The following ORC4 variants were observed in gnomAD, a reference collection of about 807,000 sequenced individuals.
The protein encoded by ORC4 is origin recognition complex, subunit 4 homolog.
A neutral mutation model predicts 63.9 loss-of-function variants in ORC4; 55 were observed. That is an observed-to-expected ratio of 0.86 (90% CI 0.69 to 1.08). The LOEUF (loss-of-function observed/expected upper bound fraction) is 1.08, where lower values mean the gene tolerates loss of function less well. ORC4 is among the 50% of genes least tolerant of loss of function. The pLI is 0.00. For missense variants in ORC4, 511 were observed against 504.4 expected (o/e 1.01, Z -0.13); for synonymous variants, 150 against 168.5 (o/e 0.89, Z 0.85).
In ORC4 at chr2:147,958,873, A is replaced by G. The variant is rs1689419093; in HGVS notation, c.226-7T>C. 1 of 1,140,326 alleles carries G rather than the reference A, an allele frequency of 8.8e-7. No homozygotes were observed. 70.6% of individuals were successfully genotyped at this position (1,140,326 alleles called of 1,614,324 possible). ...TCAAAGCATGATTTATTAACTAAAT[A>G]TGAAAAGTTTATGAAATAATAATAG... On this transcript the variant is annotated splice_region_variant and splice_polypyrimidine_tract_variant and intron_variant, in intron 4 of 13. Transcript: ENST00000392857.
Position 147,939,148 on chromosome 2 carries a change from A to G in ORC4, c.950T>C (p.Ile317Thr), listed in dbSNP as rs758625485. The part of the protein sequence containing the change: ...QLCSMDSKAN[I>T]VHGLSVLEIC... ...TAAGGCTGGGTTCTCACCATGTACA[A>G]TATTTGCTTTCGAGTCCATGCTACA... Residue 317 changes from isoleucine to threonine, a missense_variant, in exon 11 of 14, where the codon ATT becomes ACT. Coordinates refer to ENST00000392857, the MANE Select transcript of ORC4 (RefSeq NM_181741.4). 3.1e-6 allele frequency: 5 copies of G among 1,594,478 alleles called. No homozygotes were observed. The highest frequency in any genetic ancestry group is 1.1e-5 in the South Asian group (1 of 90,692).
At chr2:148,004,977 C>T (rs1406857802) in intron 1 of ORC4, among the ~76,000 whole-genome samples, 1 of 152,164 alleles carries the variant, frequency 6.6e-6, no homozygotes, top group South Asian at 2.1e-4. Flanking sequence ...ATTAGTTAAA[C>T]CATTGTGGAA....
chr2:147,975,925 T>C lies in ORC4; in HGVS notation c.34A>G (p.Ile12Val). ...SSRKSKSNSL[I>V]HTECLSQVQR... is the part of the protein sequence containing the mutation. ...ACCTGTGAAAGGCACTCTGTGTGAA[T>C]TAAGCTGTTACTCTTTGATTTACGA... is the stretch of plus-strand genomic sequence containing the variant. The change falls in exon 2 of 14, where the codon ATT (isoleucine) becomes GTT (valine). Residue 12 changes from isoleucine (I) to valine (V), a missense_variant. By Grantham distance (29) the Ile-to-Val change is conservative. Transcript: ENST00000392857. 6.3e-7 allele frequency: 1 copy of C among 1,593,466 alleles called. No homozygotes were observed. Among genetic ancestry groups the C allele is most frequent in the Admixed American group, 1.7e-5 (1 of 59,978 alleles).
intron 1 of ORC4, among the ~76,000 whole-genome samples, chr2:148,003,015 A>G (rs1360818624): frequency 6.6e-6 from 1 of 152,246 alleles, no homozygotes; most frequent in Non-Finnish European, 1.5e-5. Flanking sequence ...ATCTAGAAGA[A>G]ATGGATGAAT....
rs1687870072 is a variant in ORC4, at chr2:147,933,323, A to ACTC, written c.*2184_*2186dup. Reference sequence around the variant, plus strand: ...ATTTAAGAGACGAAGTTAGCTCAAAACTCTTGCGAATAGATTTTAGCATTT... The same window carrying ACTC: ...ATTTAAGAGACGAAGTTAGCTCAAAACTCCTCTTGCGAATAGATTTTAGCATTT... On this transcript the variant is annotated 3_prime_UTR_variant, in exon 14 of 14. Coordinates refer to ENST00000392857, the MANE Select transcript of ORC4 (RefSeq NM_181741.4). 6.6e-6 allele frequency: 1 copy of ACTC among 152,024 alleles called. No homozygotes were observed. The highest frequency in any genetic ancestry group is 2.4e-5 in the African/African-American group (1 of 41,404). 9.4% of individuals were successfully genotyped at this position (152,024 alleles called of 1,614,324 possible). A position where few individuals can be genotyped will look rare whatever the true frequency, so the allele number is the denominator to read the frequency against.
chr2:147,982,698 G>C (rs754450557), intron 1 of ORC4, among the ~76,000 whole-genome samples: 1 of 152,122 alleles, frequency 6.6e-6, no homozygotes, highest in Admixed American at 6.5e-5. Flanking sequence ...TGTAAATAAA[G>C]TTTTAGTCCA....
chr2:147,949,665 G>A (rs1055174458), intron 8 of ORC4, among the ~76,000 whole-genome samples: 4 of 152,180 alleles, frequency 2.6e-5, no homozygotes, highest in East Asian at 3.9e-4. Flanking sequence ...TTTTTAAAGA[G>A]CTCTTATCTC....
chr2:147,947,159 G>T (rs576863596), intron 9 of ORC4, among the ~76,000 whole-genome samples: 15 of 151,884 alleles, frequency 9.9e-5, no homozygotes, highest in Non-Finnish European at 1.9e-4. Context: ...TAGAGTCAGT[G>T]AATATAGACT....
chr2:147,969,776 A>G (rs902322294), intron 4 of ORC4, among the ~76,000 whole-genome samples: 1 of 152,072 alleles, frequency 6.6e-6, no homozygotes, highest in Non-Finnish European at 1.5e-5. Flanking sequence ...TTTAGTGAAC[A>G]ATACCCTCTA....
intron 1 of ORC4, among the ~76,000 whole-genome samples, chr2:147,977,407 G>A (rs780043163): frequency 2.6e-5 from 4 of 152,172 alleles, no homozygotes; most frequent in Non-Finnish European, 5.9e-5. Context: ...TTATAATAAT[G>A]CGAGAATGAC....
intron 13 of ORC4, chr2:147,936,746 C>G (rs187823348): frequency 1.3e-5 from 2 of 152,260 alleles, no homozygotes; most frequent in Non-Finnish European, 2.9e-5. Flanking sequence ...GCAGGCTGGG[C>G]GCAGTGGCTC....
Position 147,940,024 on chromosome 2 carries a change from C to T in ORC4, c.850-776G>A, listed in dbSNP as rs17232001. Among the ~76,000 whole-genome samples the T allele has an allele frequency of 6.7e-3, 1,021 of 152,246 alleles. 31 individuals carry two copies. The highest frequency in any genetic ancestry group is 0.051 in the East Asian group (265 of 5,188). On this transcript the variant is annotated intron_variant, in intron 10 of 13. Transcript: ENST00000392857. Reference sequence around the variant, plus strand: ...GGGATATAATTATCCAAGAAACTCTCCTTCACCTTAACAAGGGCGCAACTG... The same window carrying T: ...GGGATATAATTATCCAAGAAACTCTTCTTCACCTTAACAAGGGCGCAACTG...
chr2:147,945,369 T>C (rs1376806001), intron 9 of ORC4, among the ~76,000 whole-genome samples: 1 of 152,110 alleles, frequency 6.6e-6, no homozygotes, highest in African/African-American at 2.4e-5. Flanking sequence ...TAATTACTTA[T>C]TCTGCTTTTT....
intron 1 of ORC4, among the ~76,000 whole-genome samples, chr2:147,988,635 G>T (rs957290849): frequency 6.6e-6 from 1 of 152,036 alleles, no homozygotes; most frequent in Non-Finnish European, 1.5e-5. Flanking sequence ...TTACAGGCCT[G>T]AATCACCACG....
At chr2:147,938,646 ATAT>A (rs1688195069) in intron 11 of ORC4, 2 of 448,236 alleles carry the variant, frequency 4.5e-6, no homozygotes, top group Admixed American at 7.3e-5. Flanking sequence ...GATTGGCGAA[ATAT>A]TATCAGGCAC....
chr2:147,938,194 T>C lies in ORC4; in HGVS notation c.1074A>G (p.Gln358=), dbSNP rs775640519. 4 of 1,612,814 alleles carry C rather than the reference T, an allele frequency of 2.5e-6. No homozygotes were observed. The highest frequency in any genetic ancestry group is 1.7e-4 in the Middle Eastern group (1 of 6,052). Residue 358 remains glutamine (Q), a synonymous_variant, in exon 13 of 14, where the codon CAA becomes CAG. Coordinates refer to ENST00000392857, the MANE Select transcript of ORC4 (RefSeq NM_181741.4). ...MVYNEFQKFV[Q]RKAHSVYNFE... ...AATTATAAACGGAATGTGCTTTCCTTTGAACAAACTTCTGAAACTCTGAGT... is the reference window on the plus strand; with the variant it reads ...AATTATAAACGGAATGTGCTTTCCTCTGAACAAACTTCTGAAACTCTGAGT...
At position 147,943,526 on chromosome 2, in the gene ORC4, A is replaced by C. The variant is rs769409347; in HGVS notation, c.763-4T>G. The C allele has an allele frequency of 4.2e-5, 63 of 1,505,488 alleles. No individual in the cohort carries two copies. In the Middle Eastern group the frequency reaches 5.1e-4, roughly 12 times the overall value. 93.3% of individuals were successfully genotyped at this position (1,505,488 alleles called of 1,614,324 possible). ...CACTTCTATCTTCTGAGAGATACTAAAAGGAAAAAAAAAAAAAAAGCCAAA... is the reference window on the plus strand; with the variant it reads ...CACTTCTATCTTCTGAGAGATACTACAAGGAAAAAAAAAAAAAAAGCCAAA... On this transcript the variant is annotated splice_polypyrimidine_tract_variant and splice_region_variant and intron_variant, in intron 9 of 13. Transcript: ENST00000392857.
At chr2:147,958,453 C>T in intron 5 of ORC4, 70 bp from the exon 6 acceptor site, 1 of 1,143,586 alleles carries the variant, frequency 8.7e-7, no homozygotes, top group Non-Finnish European at 1.3e-6. Context: ...GGTTGTTTTC[C>T]AGTTAAGTAA....
At chr2:148,011,912 T>C (rs184319830) in intron 1 of ORC4, among the ~76,000 whole-genome samples, 53 of 151,970 alleles carry the variant, frequency 3.5e-4, no homozygotes, top group Admixed American at 1.3e-3. Context: ...CCAACTACAA[T>C]GCAAACTATC....
Sources: gnomAD v4.1 joint callset for allele counts (sites outside exome capture counted in the v4.1 genomes callset) on GRCh38, gnomAD v4.1.1 for gene constraint, MANE v1.5 for transcripts, NCBI Gene and HGNC (gene_info 2026-07-23, HGNC 2026-07-21) for gene names.